PXDN: variants seen among roughly 807,000 people sequenced by gnomAD.
PXDN encodes peroxidasin.
In PXDN, 77 loss-of-function variants were observed where a neutral mutation model predicts 140.3. That is an observed-to-expected ratio of 0.55 (90% CI 0.46 to 0.66). PXDN has a LOEUF of 0.66. PXDN is among the 30% of genes least tolerant of loss of function. The probability of loss-of-function intolerance (pLI) is 0.00; values close to 1 mark genes in which losing one functional copy is unlikely to be tolerated. For synonymous variants in PXDN, 911 were observed against 857.4 expected (o/e 1.06, Z -1.09); for missense variants, 1,838 against 2,039.5 (o/e 0.90, Z 1.90).
intron 1 of PXDN, among the ~76,000 whole-genome samples, chr2:1,743,393 G>T (rs1306232804): frequency 6.6e-6 from 1 of 152,188 alleles, no homozygotes; most frequent in South Asian, 2.1e-4. Flanking sequence ...ACTACCGCGC[G>T]GCCCCTCTCG....
Position 1,654,433 on chromosome 2 carries a change from G to A in PXDN, c.1913C>T (p.Ala638Val). ...IVEAIATVDRAINSTRTHLFD... is the reference protein window; with the variant it reads ...IVEAIATVDRVINSTRTHLFD... ...CAAATGTGTTCGGGTTGAGTTTATA[G>A]CTCTGTCAACAGTCGCAATCGCTTC... Residue 638 changes from alanine to valine, a missense_variant, in exon 15 of 23, where the codon GCT (alanine) becomes GTT (valine). Around this residue, in one of 5 missense-constraint regions of PXDN, gnomAD observed 537 missense variants for 583.9 expected, o/e 0.92. Transcript: ENST00000252804. 6.2e-7 allele frequency: 1 copy of A among 1,613,794 alleles called. No individual in the cohort carries two copies. The highest frequency in any genetic ancestry group is 8.5e-7 in the Non-Finnish European group (1 of 1,179,712).
intron 1 of PXDN, among the ~76,000 whole-genome samples, chr2:1,702,778 G>A (rs1489839230): frequency 6.6e-6 from 1 of 151,920 alleles, no homozygotes; most frequent in Non-Finnish European, 1.5e-5. Context: ...ACAGGCACCC[G>A]CCACTACGCC....
At chr2:1,684,896 T>C (rs1413787773) in intron 4 of PXDN, among the ~76,000 whole-genome samples, 2 of 152,202 alleles carry the variant, frequency 1.3e-5, no homozygotes, top group Non-Finnish European at 1.5e-5. Flanking sequence ...CTCCCTGGGG[T>C]GCTCTGCTGG....
chr2:1,669,178 T>C (rs1179070304), intron 9 of PXDN, among the ~76,000 whole-genome samples: 1 of 152,156 alleles, frequency 6.6e-6, no homozygotes, highest in East Asian at 1.9e-4. Context: ...GAAACCATCA[T>C]CCTCAGCAAA....
intron 8 of PXDN, chr2:1,676,647 C>A (rs977088376): frequency 2.0e-6 from 1 of 491,442 alleles, no homozygotes. Context: ...GCTCTCCCTC[C>A]CTCCCACCGG....
rs764510640 is a variant in PXDN at position 1,680,190 on chromosome 2, C to G, written c.730+3G>C. 1 of 1,559,014 alleles carries G rather than the reference C, an allele frequency of 6.4e-7. No homozygotes were observed. The highest frequency in any genetic ancestry group is 1.4e-5 in the African/African-American group (1 of 73,518). Reference sequence around the variant, plus strand: ...GATGGTGTGTGCGTGTCGGGCCACTCACCACAGTTCAGCTCTTCCGGGGTG... The same window carrying G: ...GATGGTGTGTGCGTGTCGGGCCACTGACCACAGTTCAGCTCTTCCGGGGTG... On this transcript the variant is annotated splice_donor_region_variant and intron_variant, in intron 7 of 22. Coordinates refer to ENST00000252804, the MANE Select transcript of PXDN (RefSeq NM_012293.3).
chr2:1,685,306 G>A lies in PXDN; in HGVS notation c.417-1155C>T, dbSNP rs1012463280. On this transcript the variant is annotated intron_variant, in intron 4 of 22. Coordinates refer to ENST00000252804, the MANE Select transcript of PXDN (RefSeq NM_012293.3). This position sits in a 1 kb window ranked among gnomAD's most constrained non-coding sequence, Gnocchi z 5.1. Reference sequence around the variant, plus strand: ...GGGAAACGTGAGGGAAGGAAAAACTGGAGCAGGAAGACAAGGAAAACCGCC... The same window carrying A: ...GGGAAACGTGAGGGAAGGAAAAACTAGAGCAGGAAGACAAGGAAAACCGCC... Among the ~76,000 whole-genome samples the A allele has an allele frequency of 1.2e-4, 18 of 152,236 alleles. No homozygotes were observed. The highest frequency in any genetic ancestry group is 4.3e-4 in the African/African-American group (18 of 41,468).
chr2:1,718,392 C>T (rs896447586), intron 1 of PXDN, among the ~76,000 whole-genome samples: 5 of 152,166 alleles, frequency 3.3e-5, no homozygotes, highest in Non-Finnish European at 7.3e-5. Flanking sequence ...CCCAAACCTA[C>T]TCTATTAACG....
At chr2:1,722,057 T>C (rs898686491) in intron 1 of PXDN, among the ~76,000 whole-genome samples, 8 of 152,306 alleles carry the variant, frequency 5.3e-5, no homozygotes, top group Non-Finnish European at 1.2e-4. Context: ...AAGACAGTTT[T>C]ATAAATGAGA....
intron 11 of PXDN, 180 bp downstream of exon 11, chr2:1,664,778 C>T (rs1359863677): frequency 1.4e-5 from 8 of 582,792 alleles, no homozygotes; most frequent in Admixed American, 3.0e-5. Flanking sequence ...CATGCATGGA[C>T]AGGAAGCCGC....
chr2:1,715,195 G>GC, intron 1 of PXDN, among the ~76,000 whole-genome samples: 1 of 152,088 alleles, frequency 6.6e-6, no homozygotes, highest in Non-Finnish European at 1.5e-5. Context: ...ATTTCATTCT[G>GC]CCCCAGAAAG....
intron 1 of PXDN, among the ~76,000 whole-genome samples, chr2:1,743,734 G>A (rs1415929546): frequency 1.6e-5 from 2 of 123,180 alleles, no homozygotes; most frequent in African/African-American, 6.1e-5. Flanking sequence ...GGAGGAAGAG[G>A]AGCGGAGGAG....
intron 7 of PXDN, among the ~76,000 whole-genome samples, chr2:1,678,956 G>A (rs1454892802): frequency 6.6e-6 from 1 of 152,100 alleles, no homozygotes; most frequent in Non-Finnish European, 1.5e-5. Flanking sequence ...AACTGCCCCT[G>A]ACATAGCTCC....
chr2:1,676,815 C>T (rs1437982023), intron 8 of PXDN, 112 bp downstream of exon 8: 17 of 979,368 alleles, frequency 1.7e-5, no homozygotes, highest in African/African-American at 4.8e-5. Context: ...CTTTTCCCTA[C>T]GTGGAGGAGG....
rs770792731 is a variant in PXDN at position 1,653,919 on chromosome 2, C to A, written c.1947-134G>T. 4.9e-5 allele frequency: 54 copies of A among 1,107,324 alleles called. 2 individuals carry two copies. In the South Asian group the frequency reaches 1.1e-3, roughly 22 times the overall value. 68.6% of individuals were successfully genotyped at this position (1,107,324 alleles called of 1,614,324 possible). A position where few individuals can be genotyped will look rare whatever the true frequency, so the allele number is the denominator to read the frequency against. On this transcript the variant is annotated intron_variant, in intron 15 of 22. Transcript: ENST00000252804. ...TCTACAACATAATGTACTATACCTT[C>A]CTCATCCGAAGTGGGAGGCAACAAA... is the stretch of plus-strand genomic sequence containing the variant.
chr2:1,691,008 T>C (rs1684172275), intron 3 of PXDN, among the ~76,000 whole-genome samples: 1 of 152,202 alleles, frequency 6.6e-6, no homozygotes, highest in Non-Finnish European at 1.5e-5. Context: ...AAAACCTAGA[T>C]GACGGGTTGA....
Position 1,719,834 on chromosome 2 carries a change from T to C in PXDN, c.200+24422A>G, listed in dbSNP as rs117993513. Among the ~76,000 whole-genome samples, 1,342 of 108,380 alleles carry C rather than the reference T, an allele frequency of 0.012. 111 individuals are homozygous for C. The East Asian group carries it at 0.22, about 17-fold the overall frequency. The allele number at this position is 108,380 out of a possible 152,430, so 71.1% of individuals were successfully genotyped here. A position where few individuals can be genotyped will look rare whatever the true frequency, so the allele number is the denominator to read the frequency against. ...CACAGGATGTGTGTACATGCGTGCATTGTGTGTGTGTGTGTGTGTGTGTGT... is the reference window on the plus strand; with the variant it reads ...CACAGGATGTGTGTACATGCGTGCACTGTGTGTGTGTGTGTGTGTGTGTGT... On this transcript the variant is annotated intron_variant, in intron 1 of 22. Transcript: ENST00000252804.
At chr2:1,716,570 G>A (rs1684901394) in intron 1 of PXDN, among the ~76,000 whole-genome samples, 1 of 152,066 alleles carries the variant, frequency 6.6e-6, no homozygotes, top group African/African-American at 2.4e-5. Context: ...TAGCGTGGGA[G>A]GTGGCGGGCA....
intron 7 of PXDN, 63 bp downstream of exon 7, chr2:1,680,130 G>A: frequency 6.8e-7 from 1 of 1,472,522 alleles, no homozygotes; most frequent in East Asian, 2.5e-5. Context: ...TGGTGTGTGT[G>A]TGGATGGTGT....
Sources: gnomAD v4.1 joint callset for allele counts (sites outside exome capture counted in the v4.1 genomes callset) on GRCh38, gnomAD v4.1.1 for gene constraint, gnomAD v4.1.1 regional missense constraint, Gnocchi (gnomAD v3.1) non-coding constraint, MANE v1.5 for transcripts, NCBI Gene and HGNC (gene_info 2026-07-23, HGNC 2026-07-21) for gene names.